CTNNB1: variants seen among roughly 807,000 people sequenced by gnomAD.
The protein encoded by CTNNB1 is catenin beta 1, also known as catenin beta-1.
CTNNB1 carries 6 observed loss-of-function variants against 82.5 expected under a neutral mutation model. The ratio of observed to expected loss-of-function variants is 0.07; its 90% CI spans 0.04 to 0.14. The LOEUF is 0.14. Ranked by LOEUF, CTNNB1 falls within the 10% of genes least tolerant of loss-of-function variation. The pLI is 1.00. For synonymous variants in CTNNB1, 312 were observed against 329.7 expected (o/e 0.95, Z 0.58); for missense variants, 529 against 980.4 (o/e 0.54, Z 6.15).
intron 1 of CTNNB1, among the ~76,000 whole-genome samples, chr3:41,207,398 A>G (rs974213658): frequency 6.6e-6 from 1 of 152,054 alleles, no homozygotes; most frequent in Non-Finnish European, 1.5e-5. Flanking sequence ...ATTCTATTAC[A>G]TTTGTCTGAA....
chr3:41,217,628 G>A (rs2077944514), intron 1 of CTNNB1, among the ~76,000 whole-genome samples: 1 of 152,154 alleles, frequency 6.6e-6, no homozygotes, highest in South Asian at 2.1e-4. Context: ...AAGTCAAAGG[G>A]TAGTTACACT....
At position 41,239,984 on chromosome 3, in the gene CTNNB1, CTCTTTTTTTTTT is replaced by C; in HGVS notation, c.*644_*655del. 1.7e-5 allele frequency: 1 copy of C among 58,756 alleles called. No individual in the cohort carries two copies. Among genetic ancestry groups the C allele is most frequent in the East Asian group, 1.6e-4 (1 of 6,290 alleles). 3.6% of individuals were successfully genotyped at this position (58,756 alleles called of 1,614,324 possible). On this transcript the variant is annotated 3_prime_UTR_variant, in exon 15 of 15. Transcript: ENST00000349496. ...ACTGACTTTGCTTGCTTTGAAGTAG[CTCTTTTTTTTTT>C]TTTTTTTTTTTTTTTGCAGTAACTG... is the stretch of plus-strand genomic sequence containing the variant.
intron 1 of CTNNB1, among the ~76,000 whole-genome samples, chr3:41,219,847 T>C (rs1291846494): frequency 6.6e-6 from 1 of 152,236 alleles, no homozygotes; most frequent in African/African-American, 2.4e-5. Flanking sequence ...AGGTGTTTAT[T>C]GCAGCATTGT....
chr3:41,207,343 A>G (rs985124525), intron 1 of CTNNB1, among the ~76,000 whole-genome samples: 2 of 152,218 alleles, frequency 1.3e-5, no homozygotes, highest in African/African-American at 4.8e-5. Flanking sequence ...CCCTCATTAT[A>G]TGCTAAAGGG....
intron 6 of CTNNB1, 23 bp from the exon 7 acceptor site, chr3:41,227,185 G>GATAT (rs139158008): frequency 1.9e-6 from 3 of 1,547,808 alleles, no homozygotes; most frequent in Non-Finnish European, 1.8e-6. Flanking sequence ...TGACTAACAA[G>GATAT]ATATATATAT....
chr3:41,209,917 C>T (rs2077738645), intron 1 of CTNNB1, among the ~76,000 whole-genome samples: 1 of 152,134 alleles, frequency 6.6e-6, no homozygotes, highest in Non-Finnish European at 1.5e-5. Context: ...ACTTTATAAA[C>T]ACTGTACACT....
At chr3:41,238,845 G>C (rs1453815891) in intron 14 of CTNNB1, among the ~76,000 whole-genome samples, 1 of 152,126 alleles carries the variant, frequency 6.6e-6, no homozygotes, top group Non-Finnish European at 1.5e-5. Flanking sequence ...TCTTGACAGG[G>C]GTAAATGCAG....
intron 7 of CTNNB1, among the ~76,000 whole-genome samples, chr3:41,230,890 G>C (rs2078291745): frequency 6.6e-6 from 1 of 152,172 alleles, no homozygotes; most frequent in South Asian, 2.1e-4. Flanking sequence ...ATACACTAAT[G>C]ATAGCTGATG....
At chr3:41,230,572 A>C (rs1273481087) in intron 7 of CTNNB1, among the ~76,000 whole-genome samples, 1 of 152,258 alleles carries the variant, frequency 6.6e-6, no homozygotes, top group Non-Finnish European at 1.5e-5. Flanking sequence ...TGACAAAAAT[A>C]CTTAAAAATA....
chr3:41,203,459 T>C (rs911671743), intron 1 of CTNNB1, among the ~76,000 whole-genome samples: 1 of 152,152 alleles, frequency 6.6e-6, no homozygotes, highest in South Asian at 2.1e-4. Context: ...AATCTCAGTA[T>C]AGTACTTTAG....
chr3:41,234,824 G>C (rs1347620051), intron 10 of CTNNB1: 1 of 168,614 alleles, frequency 5.9e-6, no homozygotes, highest in Non-Finnish European at 1.3e-5. Context: ...TGTCTTAAAA[G>C]TAGCTTCATT....
chr3:41,213,829 G>A (rs890809879), intron 1 of CTNNB1, among the ~76,000 whole-genome samples: 1 of 152,076 alleles, frequency 6.6e-6, no homozygotes, highest in Non-Finnish European at 1.5e-5. Flanking sequence ...TTGAAATAAC[G>A]AAAAGCAGTC....
Position 41,239,733 on chromosome 3 carries a change from C to T in CTNNB1, c.*391C>T. ...GGGCTCGAGGGGTGGGCTGGTATCT[C>T]AGAAAGTGCCTGACACACTAACCAA... On this transcript the variant is annotated 3_prime_UTR_variant, in exon 15 of 15. Coordinates refer to ENST00000349496, the MANE Select transcript of CTNNB1 (RefSeq NM_001904.4). 1 of 363,736 alleles carries T rather than the reference C, an allele frequency of 2.7e-6. No individual in the cohort carries two copies. The highest frequency in any genetic ancestry group is 5.1e-6 in the Non-Finnish European group (1 of 195,872). 22.5% of individuals were successfully genotyped at this position (363,736 alleles called of 1,614,324 possible).
intron 1 of CTNNB1, among the ~76,000 whole-genome samples, chr3:41,207,320 T>G (rs2077670980): frequency 6.6e-6 from 1 of 152,230 alleles, no homozygotes; most frequent in Non-Finnish European, 1.5e-5. Flanking sequence ...ATACTTCTCA[T>G]GCTTGAAGAG....
chr3:41,235,695 C>T (rs2078418621), intron 10 of CTNNB1, 29 bp from the exon 11 acceptor site: 2 of 1,614,048 alleles, frequency 1.2e-6, no homozygotes, highest in African/African-American at 1.3e-5. Flanking sequence ...GGAGAATGCC[C>T]TGTTTGTTAA....
intron 8 of CTNNB1, 31 bp downstream of exon 8, chr3:41,233,475 A>G (rs2078359136): frequency 1.2e-6 from 2 of 1,613,524 alleles, no homozygotes; most frequent in Non-Finnish European, 1.7e-6. Context: ...TGCCATGGGA[A>G]TAGAGTCAAG....
At chr3:41,234,914 C>A (rs1321625632) in intron 10 of CTNNB1, 5 of 158,976 alleles carry the variant, frequency 3.1e-5, no homozygotes, top group Non-Finnish European at 6.9e-5. Flanking sequence ...AAGATGGAGC[C>A]TACCAGAACA....
chr3:41,231,742 A>T (rs151174312), intron 7 of CTNNB1, among the ~76,000 whole-genome samples: 59 of 152,348 alleles, frequency 3.9e-4, no homozygotes, highest in African/African-American at 1.3e-3. Flanking sequence ...ACCAAAAGCT[A>T]GAAGACCAGA....
intron 1 of CTNNB1, among the ~76,000 whole-genome samples, chr3:41,204,268 T>G (rs1290776613): frequency 6.6e-6 from 1 of 152,110 alleles, no homozygotes; most frequent in Non-Finnish European, 1.5e-5. Flanking sequence ...TTTTCAAGAG[T>G]TTTCTGAGAA....
Sources: allele counts gnomAD v4.1 joint callset (sites outside exome capture counted in the v4.1 genomes callset), GRCh38; gene constraint gnomAD v4.1.1; transcripts MANE v1.5; gene names NCBI Gene and HGNC (gene_info 2026-07-23, HGNC 2026-07-21).